Variants in EPC1 observed in about 807,000 individuals in gnomAD.
The protein encoded by EPC1 is enhancer of polycomb 1.
EPC1 carries 12 observed loss-of-function variants against 98.4 expected under a neutral mutation model. The ratio of observed to expected loss-of-function variants is 0.12; its 90% CI spans 0.08 to 0.20. EPC1 has a LOEUF of 0.20. Ranked by LOEUF, EPC1 falls within the 10% of genes least tolerant of loss-of-function variation. The pLI is 1.00. For missense variants in EPC1, 729 were observed against 990.5 expected, an observed-to-expected ratio of 0.74 and a Z score of 3.54; for synonymous variants, 357 against 363.9, an observed-to-expected ratio of 0.98 and a Z score of 0.21.
intron 1 of EPC1, among the ~76,000 whole-genome samples, chr10:32,317,989 C>A (rs1836655439): frequency 6.6e-6 from 1 of 152,138 alleles, no homozygotes; most frequent in African/African-American, 2.4e-5. Flanking sequence ...GTGGCCCAGA[C>A]ATGAAGTTTC....
chr10:32,300,825 A>G (rs1190764146), intron 2 of EPC1, among the ~76,000 whole-genome samples: 1 of 152,082 alleles, frequency 6.6e-6, no homozygotes, highest in African/African-American at 2.4e-5. Flanking sequence ...CTGTGTCTTC[A>G]CGACACACCA....
At chr10:32,316,221 G>T (rs1284690671) in intron 1 of EPC1, among the ~76,000 whole-genome samples, 1 of 152,148 alleles carries the variant, frequency 6.6e-6, no homozygotes, top group African/African-American at 2.4e-5. Context: ...GGAGGATATG[G>T]AATAACTAGA....
At chr10:32,355,241 C>T (rs1592634259) in intron 1 of EPC1, among the ~76,000 whole-genome samples, 1 of 152,262 alleles carries the variant, frequency 6.6e-6, no homozygotes, top group East Asian at 1.9e-4. Context: ...AAGGAGGATA[C>T]TACTAGTTGC....
chr10:32,360,826 G>A (rs1000835640), intron 1 of EPC1, among the ~76,000 whole-genome samples: 10 of 151,090 alleles, frequency 6.6e-5, no homozygotes, highest in South Asian at 2.1e-4. Flanking sequence ...CCCAGGAGGC[G>A]AAGGTTGCAG....
At position 32,293,652 on chromosome 10, in the gene EPC1, G is replaced by A. The variant is rs1374206966; in HGVS notation, c.399C>T (p.Asp133=). The change falls in exon 3 of 14, where the codon GAC becomes GAT. Residue 133 remains aspartate (D), a synonymous_variant. Coordinates refer to ENST00000319778, the MANE Select transcript of EPC1 (RefSeq NM_001272004.3). Reference sequence around the variant, plus strand: ...TCTCCTCAAATTGCAATGGGCAGATGTCCATTTTCTTTTTCAGTTTATTCA... The same window carrying A: ...TCTCCTCAAATTGCAATGGGCAGATATCCATTTTCTTTTTCAGTTTATTCA... ...VFVNKLKKKM[D]ICPLQFEEMI... The A allele has an allele frequency of 1.2e-6, 2 of 1,613,694 alleles. No homozygotes were observed.
intron 1 of EPC1, among the ~76,000 whole-genome samples, chr10:32,357,254 C>G (rs1482522124): frequency 6.6e-6 from 1 of 152,192 alleles, no homozygotes; most frequent in Admixed American, 6.5e-5. Context: ...GAATTACTGA[C>G]ACAGGTAAAA....
At chr10:32,301,043 TATC>T (rs201511081) in intron 2 of EPC1, among the ~76,000 whole-genome samples, 8,510 of 102,988 alleles carry the variant, frequency 0.083, 288 homozygotes, top group African/African-American at 0.12. Flanking sequence ...CATTTATATC[TATC>T]TATCTATCTA....
intron 1 of EPC1, among the ~76,000 whole-genome samples, chr10:32,339,447 A>C (rs1258875581): frequency 6.6e-6 from 1 of 152,126 alleles, no homozygotes; most frequent in African/African-American, 2.4e-5. Flanking sequence ...CAGGAGGCTG[A>C]GGCACGAGAA....
At chr10:32,354,539 G>A (rs1839215613) in intron 1 of EPC1, among the ~76,000 whole-genome samples, 1 of 151,992 alleles carries the variant, frequency 6.6e-6, no homozygotes, top group Non-Finnish European at 1.5e-5. Flanking sequence ...TAAAAAAGAT[G>A]TCACACAATA....
At position 32,363,270 on chromosome 10, in the gene EPC1, G is replaced by C. The variant is rs891182573; in HGVS notation, c.3+15221C>G. ...TATATTTTTTTGCAGAGAAAATTTT[G>C]TATTTTCACCATGTTGCCCAGGCTG... is the stretch of plus-strand genomic sequence containing the variant. On this transcript the variant is annotated intron_variant, in intron 1 of 13. Transcript: ENST00000375110. Among the ~76,000 whole-genome samples, 149 of 152,106 alleles carry C rather than the reference G, an allele frequency of 9.8e-4. 1 individual carries two copies. The highest frequency in any genetic ancestry group is 1.9e-4 in the Non-Finnish European group (13 of 68,026).
intron 1 of EPC1, among the ~76,000 whole-genome samples, chr10:32,373,587 G>A (rs1256727025): frequency 6.6e-6 from 1 of 152,096 alleles, no homozygotes; most frequent in Non-Finnish European, 1.5e-5. Context: ...CTACAAACCT[G>A]GCCAATGAGC....
intron 1 of EPC1, among the ~76,000 whole-genome samples, chr10:32,335,319 C>G (rs1446110460): frequency 1.3e-5 from 2 of 152,128 alleles, no homozygotes; most frequent in African/African-American, 2.4e-5. Context: ...ATCTTCCACC[C>G]TTCCTGACTG....
chr10:32,365,343 TA>T (rs1299226866), intron 1 of EPC1, among the ~76,000 whole-genome samples: 2 of 152,110 alleles, frequency 1.3e-5, no homozygotes, highest in African/African-American at 4.8e-5. Context: ...CATCTAGTAA[TA>T]AAAGATCTGC....
intron 1 of EPC1, among the ~76,000 whole-genome samples, chr10:32,330,701 C>T (rs1363181844): frequency 6.6e-6 from 1 of 152,080 alleles, no homozygotes; most frequent in Non-Finnish European, 1.5e-5. Flanking sequence ...GTTAGGCCCC[C>T]AAATAAAGGA....
rs558846194 is a variant in EPC1 at position 32,326,114 on chromosome 10, G to C, written c.154-20183C>G. Among the ~76,000 whole-genome samples the C allele has an allele frequency of 4.3e-4, 66 of 152,150 alleles. 1 individual carries two copies. Among genetic ancestry groups the C allele is most frequent in the Admixed American group, 3.1e-3 (48 of 15,280 alleles). ...AAAAGTACAGTTAACACACTGCAAG[G>C]AGTTGTAGGACAGAACCTACAATAT... On this transcript the variant is annotated intron_variant, in intron 1 of 13. Transcript: ENST00000319778.
Position 32,347,088 on chromosome 10 carries a change from G to C in EPC1, c.-173C>G. 3 of 1,443,764 alleles carry C rather than the reference G, an allele frequency of 2.1e-6. No homozygotes were observed. Among genetic ancestry groups the C allele is most frequent in the Non-Finnish European group, 2.7e-6 (3 of 1,104,988 alleles). 89.4% of individuals were successfully genotyped at this position (1,443,764 alleles called of 1,614,324 possible). The stretch of plus-strand genomic sequence containing the variant: ...AGCCGGGAGGGTGGGAGGCTGTGCC[G>C]CTCCGCTCCTCTCTCGCTCGCTCTC... On this transcript the variant is annotated 5_prime_UTR_variant, in exon 1 of 14. Coordinates refer to ENST00000319778, the MANE Select transcript of EPC1 (RefSeq NM_001272004.3).
At chr10:32,304,918 T>TAAAAAA (rs11351207) in intron 2 of EPC1, among the ~76,000 whole-genome samples, 18 of 119,354 alleles carry the variant, frequency 1.5e-4, no homozygotes, top group East Asian at 4.7e-4. Context: ...AACTCCGTCT[T>TAAAAAA]AAAAAAAAAA....
intron 1 of EPC1, among the ~76,000 whole-genome samples, chr10:32,361,428 T>C (rs925848056): frequency 6.6e-6 from 1 of 152,190 alleles, no homozygotes; most frequent in Non-Finnish European, 1.5e-5. Flanking sequence ...TTCTGAGAAG[T>C]TGCAGGTATA....
rs767553656 is a variant in EPC1 at position 32,292,972 on chromosome 10, C to A, written c.666+16G>T. 6.7e-7 allele frequency: 1 copy of A among 1,502,984 alleles called. No individual in the cohort carries two copies. Among genetic ancestry groups the A allele is most frequent in the Non-Finnish European group, 8.9e-7 (1 of 1,118,870 alleles). 93.1% of individuals were successfully genotyped at this position (1,502,984 alleles called of 1,614,324 possible). A position where few individuals can be genotyped will look rare whatever the true frequency, so the allele number is the denominator to read the frequency against. ...TTATTATATAATTATCAAAAAAATT[C>A]TTCAAATTCACTTACTTTTCGAGTC... On this transcript the variant is annotated intron_variant, in intron 4 of 13. Transcript: ENST00000319778.
Sources: gnomAD v4.1 joint callset for allele counts (sites outside exome capture counted in the v4.1 genomes callset) on GRCh38, gnomAD v4.1.1 for gene constraint, MANE v1.5 for transcripts, NCBI Gene and HGNC (gene_info 2026-07-23, HGNC 2026-07-21) for gene names.